The following BMPR2 variants were observed in gnomAD, a reference collection of about 807,000 sequenced individuals.
BMPR2 encodes the protein bone morphogenetic protein receptor type-2.
BMPR2 carries 29 observed loss-of-function variants against 100.8 expected under a neutral mutation model. The ratio of observed to expected loss-of-function variants is 0.29; its 90% CI spans 0.21 to 0.39. BMPR2 has a LOEUF of 0.39. Among genes scored for constraint, BMPR2 ranks in the 10% least tolerant of loss-of-function variants. The probability of loss-of-function intolerance (pLI) is 1.00; values close to 1 mark genes in which losing one functional copy is unlikely to be tolerated. For synonymous variants in BMPR2, 382 were observed against 442.3 expected (o/e 0.86, Z 1.71); for missense variants, 1,011 against 1,274.5 (o/e 0.79, Z 3.15).
chr2:202,544,149 A>T (rs558827442), intron 10 of BMPR2, among the ~76,000 whole-genome samples: 6 of 152,298 alleles, frequency 3.9e-5, no homozygotes, highest in African/African-American at 7.2e-5. Flanking sequence ...CTCAAAAAAA[A>T]ACAAAAAAAA....
intron 1 of BMPR2, among the ~76,000 whole-genome samples, chr2:202,419,080 G>T (rs1431119423): frequency 6.6e-6 from 1 of 152,116 alleles, no homozygotes; most frequent in Non-Finnish European, 1.5e-5. Context: ...TGACTCCCCA[G>T]GTCCCTCAGA....
At chr2:202,557,099 G>A (rs1475733575) in intron 12 of BMPR2, among the ~76,000 whole-genome samples, 1 of 152,016 alleles carries the variant, frequency 6.6e-6, no homozygotes, top group Non-Finnish European at 1.5e-5. Flanking sequence ...GTGAGGCCAG[G>A]GCAGGTGGAT....
At chr2:202,421,734 A>AT (rs1281020022) in intron 1 of BMPR2, among the ~76,000 whole-genome samples, 3 of 142,746 alleles carry the variant, frequency 2.1e-5, no homozygotes, top group Admixed American at 7.0e-5. Context: ...GTCTCTGCCC[A>AT]TTAAAAAAAA....
chr2:202,441,710 T>C (rs1387456492), intron 1 of BMPR2, among the ~76,000 whole-genome samples: 6 of 59,046 alleles, frequency 1.0e-4, no homozygotes, highest in Non-Finnish European at 1.5e-4. Context: ...AGAGCAAGAC[T>C]CCGTCTCAAA....
chr2:202,395,090 G>A (rs1224521150), intron 1 of BMPR2, among the ~76,000 whole-genome samples: 4 of 151,232 alleles, frequency 2.6e-5, no homozygotes, highest in African/African-American at 7.3e-5. Context: ...CACCATATTG[G>A]CCAGGCTGGT....
At chr2:202,432,998 A>G (rs1022188715) in intron 1 of BMPR2, among the ~76,000 whole-genome samples, 1 of 150,298 alleles carries the variant, frequency 6.7e-6, no homozygotes, top group Non-Finnish European at 1.5e-5. Flanking sequence ...TAGTAAGGAT[A>G]TTTAAGAGTG....
At chr2:202,408,565 G>T (rs1253570188) in intron 1 of BMPR2, among the ~76,000 whole-genome samples, 1 of 152,182 alleles carries the variant, frequency 6.6e-6, no homozygotes, top group Non-Finnish European at 1.5e-5. Flanking sequence ...TTAGATAAAA[G>T]TACATAAAGC....
chr2:202,549,406 T>C (rs1243224768), intron 10 of BMPR2, among the ~76,000 whole-genome samples: 2 of 152,184 alleles, frequency 1.3e-5, no homozygotes, highest in South Asian at 2.1e-4. Context: ...TGAATATTCA[T>C]GTACAAGTCT....
intron 1 of BMPR2, among the ~76,000 whole-genome samples, chr2:202,401,530 T>C (rs1400330521): frequency 2.6e-5 from 4 of 152,232 alleles, no homozygotes; most frequent in Non-Finnish European, 5.9e-5. Flanking sequence ...AACTGAAATA[T>C]CTTCATCTTC....
intron 1 of BMPR2, among the ~76,000 whole-genome samples, chr2:202,461,684 C>T (rs1390265641): frequency 6.6e-6 from 1 of 151,892 alleles, no homozygotes; most frequent in African/African-American, 2.4e-5. Context: ...GAAGGGGAAG[C>T]TAGAAAATTG....
chr2:202,423,774 G>A (rs1691321896), intron 1 of BMPR2, among the ~76,000 whole-genome samples: 1 of 152,060 alleles, frequency 6.6e-6, no homozygotes, highest in Non-Finnish European at 1.5e-5. Context: ...ATGATAAAAG[G>A]CCAGGTACAG....
At chr2:202,382,906 G>A (rs893361214) in intron 1 of BMPR2, among the ~76,000 whole-genome samples, 1 of 152,158 alleles carries the variant, frequency 6.6e-6, no homozygotes, top group African/African-American at 2.4e-5. Flanking sequence ...TCTGGACAAC[G>A]AGCCTGGGAA....
chr2:202,420,468 A>G (rs1691233360), intron 1 of BMPR2, among the ~76,000 whole-genome samples: 1 of 151,852 alleles, frequency 6.6e-6, no homozygotes, highest in Non-Finnish European at 1.5e-5. Context: ...AGGCCTGCTA[A>G]CATTACTAAA....
rs11459505 is a variant in BMPR2 at position 202,390,980 on chromosome 2, CTTTTTTTTTTTTTTTT to C, written c.76+13442_76+13457del. Among the ~76,000 whole-genome samples the C allele has an allele frequency of 2.3e-3, 120 of 51,932 alleles. 2 individuals are homozygous for C. Among genetic ancestry groups the C allele is most frequent in the African/African-American group, 8.5e-3 (113 of 13,328 alleles). 34.1% of individuals were successfully genotyped at this position (51,932 alleles called of 152,430 possible). On this transcript the variant is annotated intron_variant, in intron 1 of 12. Transcript: ENST00000374580. ...ACCAAAAATGCTTTTAGTAAGTAGTCTTTTTTTTTTTTTTTTTTTTTTTTTTTGGGAGATGGAGTTT... is the reference window on the plus strand; with the variant it reads ...ACCAAAAATGCTTTTAGTAAGTAGTCTTTTTTTTTTTGGGAGATGGAGTTT...
At chr2:202,410,672 C>G (rs577725675) in intron 1 of BMPR2, among the ~76,000 whole-genome samples, 1 of 152,062 alleles carries the variant, frequency 6.6e-6, no homozygotes, top group African/African-American at 2.4e-5. Context: ...TTCCACCTCC[C>G]GGGTTCACAA....
intron 1 of BMPR2, among the ~76,000 whole-genome samples, chr2:202,420,647 A>G (rs1015280479): frequency 7.0e-6 from 1 of 143,780 alleles, no homozygotes; most frequent in Non-Finnish European, 1.5e-5. Context: ...CCCGAGTTCA[A>G]GTGATTCTCT....
chr2:202,520,018 A>T lies in BMPR2; in HGVS notation c.853-69A>T. 1.0e-5 allele frequency: 10 copies of T among 974,250 alleles called. No homozygotes were observed. In the South Asian group the frequency reaches 1.4e-4, roughly 13 times the overall value. The allele number at this position is 974,250 out of a possible 1,614,324, so 60.4% of individuals were successfully genotyped here. On this transcript the variant is annotated intron_variant, in intron 6 of 12. Transcript: ENST00000374580. Reference sequence around the variant, plus strand: ...TTTGCAAATTCTTTATAAGGATGCTAATTTACTCTTCATGTTAAAGTGAGT... The same window carrying T: ...TTTGCAAATTCTTTATAAGGATGCTTATTTACTCTTCATGTTAAAGTGAGT...
intron 1 of BMPR2, among the ~76,000 whole-genome samples, chr2:202,391,855 G>A (rs908505633): frequency 2.4e-4 from 37 of 151,610 alleles, no homozygotes; most frequent in Non-Finnish European, 4.0e-4. Flanking sequence ...TCCGCCTCCC[G>A]GGTTCAAGCG....
In BMPR2 at chr2:202,446,527, TATTGGGC is replaced by T. The variant is rs1188869555; in HGVS notation, c.77-18278_77-18272del. Among the ~76,000 whole-genome samples, 4 of 150,792 alleles carry T rather than the reference TATTGGGC, an allele frequency of 2.7e-5. No homozygotes were observed. In the East Asian group the frequency reaches 7.7e-4, roughly 29 times the overall value. Reference sequence around the variant, plus strand: ...AGTCTGTAAATCATAATGATGGGCCTATTGGGCATTCATTTCAATATAGTATTAGTGT... The same window carrying T: ...AGTCTGTAAATCATAATGATGGGCCTATTCATTTCAATATAGTATTAGTGT... On this transcript the variant is annotated intron_variant, in intron 1 of 12. Transcript: ENST00000374580.
Sources: allele counts gnomAD v4.1 joint callset (sites outside exome capture counted in the v4.1 genomes callset), GRCh38; gene constraint gnomAD v4.1.1; transcripts MANE v1.5; gene names NCBI Gene and HGNC (gene_info 2026-07-23, HGNC 2026-07-21).